ZNF185: variants seen among roughly 807,000 people sequenced by gnomAD.
The protein encoded by ZNF185 is zinc finger protein 185.
ZNF185 carries 56 observed loss-of-function variants against 58.6 expected under a neutral mutation model. That is an observed-to-expected ratio of 0.95 (90% CI 0.77 to 1.19). The LOEUF (loss-of-function observed/expected upper bound fraction) is 1.19, where lower values mean the gene tolerates loss of function less well. Ranked by LOEUF, ZNF185 falls within the 50% of genes most tolerant of loss-of-function variation. The pLI, the probability that ZNF185 is intolerant of heterozygous loss-of-function variation, is 0.00. For synonymous variants in ZNF185, 230 were observed against 215.9 expected (o/e 1.07, Z -0.57); for missense variants, 627 against 573.5 (o/e 1.09, Z -0.95).
At chrX:152,907,012 T>C in the ZNF185 span, among the ~76,000 whole-genome samples, 6 of 111,166 alleles carry the variant, frequency 5.4e-5, no homozygotes, top group Non-Finnish European at 9.4e-5. Flanking sequence ...GGAGCCATCC[T>C]AATCCCCTGC....
chrX:152,931,041 T>A (rs897111811), intron 12 of ZNF185, among the ~76,000 whole-genome samples: 12 of 111,721 alleles, frequency 1.1e-4, no homozygotes, highest in Non-Finnish European at 1.7e-4. Flanking sequence ...AAGATGGGCA[T>A]GGGTGATAAC....
At chrX:152,914,752 T>C (rs1240786667) in exon 2 of ZNF185, 3 of 1,195,260 alleles carry the variant, frequency 2.5e-6, no homozygotes, top group Non-Finnish European at 3.4e-6. Context: ...AATAACGTTC[T>C]CAAGCAGATG....
chrX:152,905,724 C>T, the ZNF185 span, among the ~76,000 whole-genome samples: 4 of 91,865 alleles, frequency 4.4e-5, no homozygotes, highest in Non-Finnish European at 8.8e-5. Flanking sequence ...GGGGGGGGGG[C>T]GGGGTCACAG....
chrX:152,908,561 G>A, the ZNF185 span, among the ~76,000 whole-genome samples: 1 of 112,679 alleles, frequency 8.9e-6, no homozygotes, highest in African/African-American at 3.2e-5. Context: ...GCAGGCCTCT[G>A]TGGCTGCATC....
chrX:152,927,298 CA>C (rs1941044876), intron 11 of ZNF185, among the ~76,000 whole-genome samples: 1 of 112,141 alleles, frequency 8.9e-6, no homozygotes, highest in Admixed American at 9.4e-5. Flanking sequence ...TCCTGGCTTT[CA>C]TGATGGGAGA....
At chrX:152,957,528 T>G (rs1556905999) in intron 16 of ZNF185, among the ~76,000 whole-genome samples, 1 of 112,185 alleles carries the variant, frequency 8.9e-6, no homozygotes, top group East Asian at 2.8e-4. Flanking sequence ...GAACTAACTA[T>G]GATATGAACC....
At chrX:152,939,151 G>C (rs1460336955) in intron 15 of ZNF185, among the ~76,000 whole-genome samples, 1 of 112,072 alleles carries the variant, frequency 8.9e-6, no homozygotes, top group Non-Finnish European at 1.9e-5. Flanking sequence ...GTGTTTAAAA[G>C]GTGAATGCAT....
chrX:152,934,589 G>A (rs1336185422), intron 14 of ZNF185, among the ~76,000 whole-genome samples: 1 of 111,813 alleles, frequency 8.9e-6, no homozygotes, highest in Non-Finnish European at 1.9e-5. Flanking sequence ...CATGCATGTT[G>A]AAGTCCCTGA....
chrX:152,914,762 G>A, exon 2 of ZNF185: 6 of 1,194,599 alleles, frequency 5.0e-6, no homozygotes, highest in Non-Finnish European at 6.8e-6. Flanking sequence ...TCAAGCAGAT[G>A]AAAGTGCGAA....
chrX:152,919,025 CGAGGAGGAG>C (rs781814997), exon 7 of ZNF185: 1 of 1,204,535 alleles, frequency 8.3e-7, no homozygotes, highest in Non-Finnish European at 1.1e-6. Context: ...CAGGGGACAC[CGAGGAGGAG>C]GAGGAGGAGG....
intron 15 of ZNF185, among the ~76,000 whole-genome samples, chrX:152,944,158 C>A (rs1269210886): frequency 2.7e-5 from 3 of 113,094 alleles, no homozygotes; most frequent in Non-Finnish European, 5.6e-5. Flanking sequence ...ATTTTAGTTC[C>A]CTTGACCTCC....
chrX:152,911,881 C>G (rs192813850), upstream of ZNF185, among the ~76,000 whole-genome samples: 1,146 of 89,770 alleles, frequency 0.013, 25 homozygotes, highest in African/African-American at 0.048. Flanking sequence ...CCATCCCATC[C>G]CATCCCATTC....
chrX:152,953,886 G>A (rs1011019211), intron 16 of ZNF185, among the ~76,000 whole-genome samples: 7 of 111,323 alleles, frequency 6.3e-5, no homozygotes, highest in African/African-American at 2.3e-4. Flanking sequence ...AATTACAGGC[G>A]TGCGCCACCA....
chrX:152,900,177 T>C, the ZNF185 span, among the ~76,000 whole-genome samples: 1 of 112,125 alleles, frequency 8.9e-6, no homozygotes, highest in African/African-American at 3.2e-5. Flanking sequence ...CCTCCTGAGA[T>C]CTGGCAGGGC....
chrX:152,967,713 AG>A (rs2050254406), intron 20 of ZNF185, among the ~76,000 whole-genome samples: 1 of 112,357 alleles, frequency 8.9e-6, no homozygotes, highest in African/African-American at 3.2e-5. Flanking sequence ...AATTGAAAGC[AG>A]GGGCAGAGAA....
At position 152,959,916 on chromosome X, in the gene ZNF185, G is replaced by A. The variant is rs782473117; in HGVS notation, c.1607+20G>A. On this transcript the variant is annotated intron_variant, in intron 17 of 22. Coordinates refer to ENST00000449285, the Ensembl canonical transcript of ZNF185. Reference sequence around the variant, plus strand: ...CAGCAGGTACGAGCCAAACTGCACTGGGACCTTACCTGCTAGAGCCAGTGT... The same window carrying A: ...CAGCAGGTACGAGCCAAACTGCACTAGGACCTTACCTGCTAGAGCCAGTGT... 1 of 1,197,544 alleles carries A rather than the reference G, an allele frequency of 8.4e-7. No homozygotes were observed. Among genetic ancestry groups the A allele is most frequent in the East Asian group, 3.0e-5 (1 of 33,519 alleles).
At chrX:152,902,774 G>T in the ZNF185 span, among the ~76,000 whole-genome samples, 1 of 112,167 alleles carries the variant, frequency 8.9e-6, no homozygotes, top group Non-Finnish European at 1.9e-5. Flanking sequence ...AATAGGGGCA[G>T]TGTTAGAGGT....
rs1472617001 is a variant in ZNF185, at chrX:152,945,309, CGGAGAGGCCTGGCA to C, written c.1267_1280del (p.Gln423SerfsTer32). ...AGGGGAAGGATGTGGCCACCAGGGT[CGGAGAGGCCTGGCA>C]GGAGAGGCCTGGAGCTCCAAGAGGT... On this transcript the variant is annotated frameshift_variant, in exon 16 of 23. Coordinates refer to ENST00000449285, the Ensembl canonical transcript of ZNF185. LOFTEE classifies it high-confidence loss of function. The C allele has an allele frequency of 5.0e-6, 6 of 1,209,560 alleles. No individual in the cohort carries two copies. Among genetic ancestry groups the C allele is most frequent in the Non-Finnish European group, 6.7e-6 (6 of 894,366 alleles).
upstream of ZNF185, among the ~76,000 whole-genome samples, chrX:152,913,557 C>G (rs1265156150): frequency 3.5e-5 from 4 of 112,734 alleles, no homozygotes; most frequent in Non-Finnish European, 7.5e-5. Flanking sequence ...GAAGAGGAAG[C>G]AGAGCTCAAG....
Sources: gnomAD v4.1 joint callset for allele counts (sites outside exome capture counted in the v4.1 genomes callset) on GRCh38, gnomAD v4.1.1 for gene constraint, MANE v1.5 for transcripts, NCBI Gene and HGNC (gene_info 2026-07-23, HGNC 2026-07-21) for gene names.